Variants in GRIP2 observed in about 807,000 individuals in gnomAD.
GRIP2 encodes glutamate receptor interacting protein 2.
A neutral mutation model predicts 108.3 loss-of-function variants in GRIP2; 58 were observed. The observed-to-expected ratio is 0.54, with a 90% confidence interval of 0.43 to 0.67. GRIP2 has a LOEUF of 0.67. GRIP2 is among the 30% of genes least tolerant of loss of function. The pLI, the probability that GRIP2 is intolerant of heterozygous loss-of-function variation, is 0.00. For synonymous variants in GRIP2, 586 were observed against 598.2 expected (o/e 0.98, Z 0.30); for missense variants, 1,278 against 1,430.6 (o/e 0.89, Z 1.72).
chr3:14,498,737 T>G (rs184495646), intron 21 of GRIP2, among the ~76,000 whole-genome samples: 2 of 152,164 alleles, frequency 1.3e-5, no homozygotes, highest in Admixed American at 1.3e-4. Flanking sequence ...CCAGTTAAAA[T>G]GCAGACTGAG....
intron 4 of GRIP2, chr3:14,524,080 T>G: frequency 2.0e-6 from 1 of 512,286 alleles, no homozygotes; most frequent in Non-Finnish European, 3.5e-6. Context: ...TGCAGGGCAG[T>G]GGAGTGTGGG....
chr3:14,517,411 G>A (rs1020060039), intron 10 of GRIP2, among the ~76,000 whole-genome samples, 198 bp from the exon 11 acceptor site: 1 of 149,058 alleles, frequency 6.7e-6, no homozygotes, highest in Non-Finnish European at 1.5e-5. Flanking sequence ...CATAGACCCT[G>A]TGAAACTCAG....
At chr3:14,583,581 G>A in the GRIP2 span, among the ~76,000 whole-genome samples, 3 of 152,156 alleles carry the variant, frequency 2.0e-5, no homozygotes, top group Admixed American at 1.3e-4. Flanking sequence ...AAAGCCCAGC[G>A]CCTCCTAACT....
chr3:14,491,217 C>G lies in GRIP2; in HGVS notation c.*2448G>C, dbSNP rs1432526146. 1 of 152,130 alleles carries G rather than the reference C, an allele frequency of 6.6e-6. No individual in the cohort carries two copies. The highest frequency in any genetic ancestry group is 1.9e-4 in the East Asian group (1 of 5,192). The allele number at this position is 152,130 out of a possible 1,614,324, so 9.4% of individuals were successfully genotyped here. On this transcript the variant is annotated 3_prime_UTR_variant, in exon 24 of 24. Coordinates refer to ENST00000621039, the MANE Select transcript of GRIP2 (RefSeq NM_001080423.4). Reference sequence around the variant, plus strand: ...AAAAATCATCCCCATGGCACCTACCCCCAAGCCACTGCAACCCCTGGTGGG... The same window carrying G: ...AAAAATCATCCCCATGGCACCTACCGCCAAGCCACTGCAACCCCTGGTGGG...
rs370745587 is a variant in GRIP2 at position 14,525,563 on chromosome 3, C to T, written c.131G>A (p.Arg44Gln). ...GATCAGCTCCACCACAGTGATCCCT[C>T]GGAACTCCTCTGCCAACAGATGGGG... Reference protein sequence around the residue: ...CRRQSIPEEFRGITVVELIKK... With the variant: ...CRRQSIPEEFQGITVVELIKK... The change falls in exon 3 of 24, where the codon CGA becomes CAA. Residue 44 changes from arginine to glutamine, a missense_variant. By Grantham distance (43) the Arg-to-Gln change is conservative. Coordinates refer to ENST00000621039, the MANE Select transcript of GRIP2 (RefSeq NM_001080423.4). 23 of 1,613,668 alleles carry T rather than the reference C, an allele frequency of 1.4e-5. No individual in the cohort carries two copies. The highest frequency in any genetic ancestry group is 3.3e-4 in the Middle Eastern group (2 of 6,084).
chr3:14,578,545 C>T, the GRIP2 span, among the ~76,000 whole-genome samples: 1 of 151,894 alleles, frequency 6.6e-6, no homozygotes, highest in Non-Finnish European at 1.5e-5. Flanking sequence ...GGTGAAATCC[C>T]GTCTCTACTA....
At chr3:14,509,617 CCTCTGCCCTGGCAGGCAGGGGCTGA>C (rs1465273960) in intron 17 of GRIP2, among the ~76,000 whole-genome samples, 178 bp downstream of exon 17, 1 of 152,260 alleles carries the variant, frequency 6.6e-6, no homozygotes, top group East Asian at 1.9e-4. Context: ...GGGGTGTGGG[CCTCTGCCCTGGCAGGCAGGGGCTGA>C]CACTCATTTT....
chr3:14,491,350 C>T lies in GRIP2; in HGVS notation c.*2315G>A, dbSNP rs1233740072. 6.6e-6 allele frequency: 1 copy of T among 152,198 alleles called. No homozygotes were observed. The highest frequency in any genetic ancestry group is 1.5e-5 in the Non-Finnish European group (1 of 68,082). 9.4% of individuals were successfully genotyped at this position (152,198 alleles called of 1,614,324 possible). A position where few individuals can be genotyped will look rare whatever the true frequency, so the allele number is the denominator to read the frequency against. On this transcript the variant is annotated 3_prime_UTR_variant, in exon 24 of 24. Transcript: ENST00000621039. ...AAACCCGATGTAGAAAAATACTTTA[C>T]AAGGAATGTGTTCTAATCTCAGCCA...
the GRIP2 span, among the ~76,000 whole-genome samples, chr3:14,578,948 C>A: frequency 2.6e-5 from 4 of 151,962 alleles, no homozygotes; most frequent in Admixed American, 6.6e-5. Context: ...AGCATGCAAC[C>A]CAGCAATCCC....
At chr3:14,532,671 G>A (rs758361043) in intron 1 of GRIP2, among the ~76,000 whole-genome samples, 3 of 152,024 alleles carry the variant, frequency 2.0e-5, no homozygotes, top group Non-Finnish European at 4.4e-5. Flanking sequence ...GTTAGGGGAG[G>A]GGGTTCAACC....
Position 14,507,478 on chromosome 3 carries a change from G to C in GRIP2, c.2218+83C>G. On this transcript the variant is annotated intron_variant, in intron 18 of 23. Coordinates refer to ENST00000621039, the MANE Select transcript of GRIP2 (RefSeq NM_001080423.4). This position sits in a 1 kb window ranked among gnomAD's most constrained non-coding sequence, Gnocchi z 4.6. ...CAGGGCTGCAGTGAGGACTCTGTGA[G>C]GGTGTGCAGGCAAAGCCTGGCACAG... 1.3e-6 allele frequency: 2 copies of C among 1,515,270 alleles called. No individual in the cohort carries two copies. The highest frequency in any genetic ancestry group is 9.1e-7 in the Non-Finnish European group (1 of 1,098,630). 93.9% of individuals were successfully genotyped at this position (1,515,270 alleles called of 1,614,324 possible). A position where few individuals can be genotyped will look rare whatever the true frequency, so the allele number is the denominator to read the frequency against.
chr3:14,593,635 C>A, the GRIP2 span, among the ~76,000 whole-genome samples: 1 of 152,256 alleles, frequency 6.6e-6, no homozygotes, highest in Non-Finnish European at 1.5e-5. Flanking sequence ...ATCCTCCCTT[C>A]TCACAGTTCC....
chr3:14,542,534 T>G (rs186150424), upstream of GRIP2, among the ~76,000 whole-genome samples: 33 of 150,112 alleles, frequency 2.2e-4, no homozygotes, highest in Admixed American at 2.6e-4. Flanking sequence ...AATGAGTGAT[T>G]AAGATTGGCA....
chr3:14,511,511 G>A lies in GRIP2; in HGVS notation c.1721-32C>T, dbSNP rs1485190222. The A allele has an allele frequency of 1.2e-6, 2 of 1,608,718 alleles. No homozygotes were observed. The highest frequency in any genetic ancestry group is 3.3e-5 in the Admixed American group (2 of 59,872). On this transcript the variant is annotated intron_variant, in intron 14 of 23. Coordinates refer to ENST00000621039, the MANE Select transcript of GRIP2 (RefSeq NM_001080423.4). This position sits in a 1 kb window ranked among gnomAD's most constrained non-coding sequence, Gnocchi z 4.1. The stretch of plus-strand genomic sequence containing the variant: ...AAAAAGAGGCCATGAATCTGACCTT[G>A]GTGGCCTCAGCCTGGGGTGGGGTGG...
the GRIP2 span, among the ~76,000 whole-genome samples, chr3:14,581,629 A>T: frequency 6.6e-6 from 1 of 152,234 alleles, no homozygotes; most frequent in Non-Finnish European, 1.5e-5. Context: ...GTAGAATGAT[A>T]TAAGTCTGGA....
the GRIP2 span, among the ~76,000 whole-genome samples, chr3:14,593,328 C>T: frequency 1.3e-5 from 2 of 152,266 alleles, no homozygotes. Context: ...AGTGTCTTGT[C>T]TGGTTTCTCA....
At chr3:14,529,097 T>C (rs4685178) in intron 1 of GRIP2, among the ~76,000 whole-genome samples, 61,893 of 149,250 alleles carry the variant, frequency 0.41, 13,944 homozygotes, top group South Asian at 0.61. Flanking sequence ...AGTGAAACCC[T>C]ATCTCTACTA....
chr3:14,533,070 C>T (rs1694751046), intron 1 of GRIP2, among the ~76,000 whole-genome samples: 1 of 152,234 alleles, frequency 6.6e-6, no homozygotes, highest in African/African-American at 2.4e-5. Flanking sequence ...GTTGGGTCCT[C>T]AGCAGCTCCG....
chr3:14,495,100 C>A, intron 22 of GRIP2, 111 bp from the exon 23 acceptor site: 1 of 1,395,756 alleles, frequency 7.2e-7, no homozygotes, highest in Non-Finnish European at 9.8e-7. Flanking sequence ...CAGCCACACC[C>A]CCCAGGCTGC....
Sources: gnomAD v4.1 joint callset for allele counts (sites outside exome capture counted in the v4.1 genomes callset) on GRCh38, gnomAD v4.1.1 for gene constraint, Gnocchi (gnomAD v3.1) non-coding constraint, MANE v1.5 for transcripts, NCBI Gene and HGNC (gene_info 2026-07-23, HGNC 2026-07-21) for gene names.